Variants in SP1 observed in about 807,000 individuals in gnomAD.
SP1 encodes the protein Sp1 transcription factor.
Under a neutral mutation model 66.3 loss-of-function variants are expected in SP1, and 6 were observed. That is an observed-to-expected ratio of 0.09 (90% CI 0.05 to 0.18). The LOEUF is 0.18. SP1 is among the 10% of genes least tolerant of loss of function. SP1 has a pLI of 1.00. For synonymous variants in SP1, 417 were observed against 360.8 expected, an observed-to-expected ratio of 1.16 and a Z score of -1.77; for missense variants, 848 against 964.5, an observed-to-expected ratio of 0.88 and a Z score of 1.60.
At position 53,413,764 on chromosome 12, in the gene SP1, C is replaced by A. The variant is rs1380740034; in HGVS notation, c.*2524C>A. The A allele has an allele frequency of 2.0e-5, 3 of 152,388 alleles. No individual in the cohort carries two copies. Among genetic ancestry groups the A allele is most frequent in the Non-Finnish European group, 2.9e-5 (2 of 68,040 alleles). 9.4% of individuals were successfully genotyped at this position (152,388 alleles called of 1,614,324 possible). ...GCTAGTGCATTTCAAGGAATGGAAT[C>A]TTCTCCAGTATGAAATTACCAGATA... On this transcript the variant is annotated 3_prime_UTR_variant, in exon 6 of 6. Transcript: ENST00000327443.
intron 5 of SP1, 35 bp downstream of exon 5, chr12:53,409,596 T>C (rs747630402): frequency 4.5e-6 from 7 of 1,538,598 alleles, no homozygotes; most frequent in Non-Finnish European, 5.4e-6. Context: ...AAAATAGTAA[T>C]AGACTAGAAT....
rs943288868 is a variant in SP1, at chr12:53,414,281, C to T, written c.*3041C>T. On this transcript the variant is annotated 3_prime_UTR_variant, in exon 6 of 6. Transcript: ENST00000327443. ...TGAGATAGTAAAACACTTATTCCCT[C>T]ATCCTTTCAGGTTTTCAGGTTGCCC... The T allele has an allele frequency of 6.6e-6, 1 of 152,604 alleles. No individual in the cohort carries two copies. Among genetic ancestry groups the T allele is most frequent in the African/African-American group, 2.4e-5 (1 of 41,450 alleles). The allele number at this position is 152,604 out of a possible 1,614,324, so 9.5% of individuals were successfully genotyped here.
In SP1 at chr12:53,382,365, C is replaced by T. The variant is rs1481857456; in HGVS notation, c.418C>T (p.Arg140Cys). 10 of 1,614,100 alleles carry T rather than the reference C, an allele frequency of 6.2e-6. No individual in the cohort carries two copies. In the East Asian group the frequency reaches 1.1e-4, roughly 18 times the overall value. Residue 140 changes from arginine (R) to cysteine (C), a missense_variant, in exon 3 of 6, where the codon CGC (arginine) becomes TGC (cysteine). Around this residue, in one of 7 missense-constraint regions of SP1, gnomAD observed 606 missense variants for 589.9 expected, o/e 1.03. Transcript: ENST00000327443. ...GSNGSESSKN[R>C]TVSGGQYVVA... ...CAATGGCAGTGAGTCTTCCAAGAAT[C>T]GCACAGTCTCTGGTGGGCAGTATGT...
chr12:53,406,543 C>T, intron 3 of SP1, 42 bp from the exon 4 acceptor site: 1 of 1,581,372 alleles, frequency 6.3e-7, no homozygotes, highest in East Asian at 2.2e-5. Context: ...CAGTGATAAC[C>T]TGCCCATGTC....
chr12:53,388,426 C>T (rs1592558787), intron 3 of SP1, among the ~76,000 whole-genome samples: 2 of 152,034 alleles, frequency 1.3e-5, no homozygotes, highest in South Asian at 2.1e-4. Flanking sequence ...GAAGAAAATG[C>T]GTGTGTGTTT....
chr12:53,382,094 C>A lies in SP1; in HGVS notation c.163-16C>A. ...GGGTGTCACTAACTCCTTTCCTCTC[C>A]CTTATTTTCGGCCAGGAGTCCCAGC... On this transcript the variant is annotated splice_polypyrimidine_tract_variant and intron_variant, in intron 2 of 5. Coordinates refer to ENST00000327443, the MANE Select transcript of SP1 (RefSeq NM_138473.3). The A allele has an allele frequency of 6.2e-7, 1 of 1,611,982 alleles. No homozygotes were observed. The highest frequency in any genetic ancestry group is 8.5e-7 in the Non-Finnish European group (1 of 1,178,882).
chr12:53,408,695 A>T (rs1202684189), intron 4 of SP1, among the ~76,000 whole-genome samples: 1 of 148,140 alleles, frequency 6.8e-6, no homozygotes, highest in Non-Finnish European at 1.5e-5. Flanking sequence ...TCACAAGGTC[A>T]GGAGATCGAG....
At chr12:53,398,893 T>A (rs894140951) in intron 3 of SP1, among the ~76,000 whole-genome samples, 1 of 152,208 alleles carries the variant, frequency 6.6e-6, no homozygotes, top group Non-Finnish European at 1.5e-5. Context: ...TCCAAATGGA[T>A]TCACTGTTGA....
At chr12:53,381,559 C>CTGTT in intron 1 of SP1, 100 bp from the exon 2 acceptor site, 1 of 1,122,146 alleles carries the variant, frequency 8.9e-7, no homozygotes, top group Non-Finnish European at 1.3e-6. Flanking sequence ...TTTCGCCTTC[C>CTGTT]TGTTAGTCAT....
At chr12:53,395,448 G>GTT (rs1254229247) in intron 3 of SP1, among the ~76,000 whole-genome samples, 1 of 152,152 alleles carries the variant, frequency 6.6e-6, no homozygotes, top group Non-Finnish European at 1.5e-5. Flanking sequence ...CTTAAGTGCT[G>GTT]TTTAAGAAAT....
chr12:53,402,980 A>G (rs1398815437), intron 3 of SP1, among the ~76,000 whole-genome samples: 1 of 151,768 alleles, frequency 6.6e-6, no homozygotes, highest in Admixed American at 6.6e-5. Flanking sequence ...GAAAAAAAAA[A>G]AAAATGCAGA....
chr12:53,391,879 C>T (rs1465666653), intron 3 of SP1, among the ~76,000 whole-genome samples: 1 of 151,922 alleles, frequency 6.6e-6, no homozygotes, highest in Non-Finnish European at 1.5e-5. Context: ...CGTTTATTCA[C>T]TTACGATAAT....
chr12:53,391,820 A>G (rs1938360197), intron 3 of SP1, among the ~76,000 whole-genome samples: 1 of 150,880 alleles, frequency 6.6e-6, no homozygotes, highest in South Asian at 2.1e-4. Context: ...CTCAATGTTT[A>G]GCTCCCACTT....
chr12:53,402,770 G>T (rs1938636877), intron 3 of SP1, among the ~76,000 whole-genome samples: 1 of 151,692 alleles, frequency 6.6e-6, no homozygotes, highest in Non-Finnish European at 1.5e-5. Flanking sequence ...TTGGAGACCA[G>T]CCTGGCCAAT....
At chr12:53,402,789 A>G (rs765762282) in intron 3 of SP1, among the ~76,000 whole-genome samples, 43 of 150,130 alleles carry the variant, frequency 2.9e-4, no homozygotes, top group Non-Finnish European at 3.3e-4. Context: ...ATATGGTGAA[A>G]CCCCGTCTCT....
chr12:53,412,152 G>C lies in SP1; in HGVS notation c.*912G>C, dbSNP rs574292807. 1 of 152,208 alleles carries C rather than the reference G, an allele frequency of 6.6e-6. No individual in the cohort carries two copies. The highest frequency in any genetic ancestry group is 1.5e-5 in the Non-Finnish European group (1 of 68,026). The allele number at this position is 152,208 out of a possible 1,614,324, so 9.4% of individuals were successfully genotyped here. On this transcript the variant is annotated 3_prime_UTR_variant, in exon 6 of 6. Transcript: ENST00000327443. Reference sequence around the variant, plus strand: ...CTACTGACGCAGGCACCTTCTTGGCGCTGGAGAGTCAAAGGCATCTCCCTT... The same window carrying C: ...CTACTGACGCAGGCACCTTCTTGGCCCTGGAGAGTCAAAGGCATCTCCCTT...
intron 3 of SP1, 128 bp from the exon 4 acceptor site, chr12:53,406,457 A>G (rs1938741121): frequency 4.0e-6 from 3 of 758,838 alleles, no homozygotes; most frequent in Admixed American, 5.3e-5. Flanking sequence ...AAAGGCTTCA[A>G]AACTTGTGAT....
rs892848609 is a variant in SP1, at chr12:53,409,357, T to C, written c.1845-5T>C. ...AATGATTAACAGTTGTGTCCTCACTTTCAGGGGCTCGGGGGATCCTGGCAA... is the reference window on the plus strand; with the variant it reads ...AATGATTAACAGTTGTGTCCTCACTCTCAGGGGCTCGGGGGATCCTGGCAA... On this transcript the variant is annotated splice_polypyrimidine_tract_variant and splice_region_variant and intron_variant, in intron 4 of 5. Transcript: ENST00000327443. The C allele has an allele frequency of 6.2e-7, 1 of 1,612,596 alleles. No homozygotes were observed. The highest frequency in any genetic ancestry group is 8.5e-7 in the Non-Finnish European group (1 of 1,179,360).
chr12:53,388,454 C>T (rs1350915885), intron 3 of SP1, among the ~76,000 whole-genome samples: 2 of 152,098 alleles, frequency 1.3e-5, no homozygotes, highest in Non-Finnish European at 2.9e-5. Flanking sequence ...GTAAGAGGAG[C>T]TTGACATTCA....
Sources: allele counts gnomAD v4.1 joint callset (sites outside exome capture counted in the v4.1 genomes callset), GRCh38; gene constraint gnomAD v4.1.1; regional missense constraint gnomAD v4.1.1; transcripts MANE v1.5; gene names NCBI Gene and HGNC (gene_info 2026-07-23, HGNC 2026-07-21).